Variants in AK5 observed in about 807,000 individuals in gnomAD.
AK5 encodes adenylate kinase isoenzyme 5.
Under a neutral mutation model 69.5 loss-of-function variants are expected in AK5, and 27 were observed. That is an observed-to-expected ratio of 0.39 (90% CI 0.29 to 0.54). AK5 has a LOEUF of 0.54. Ranked by LOEUF, AK5 falls within the 20% of genes least tolerant of loss-of-function variation. AK5 has a pLI of 0.71. For missense variants in AK5, 531 were observed against 700.4 expected, an observed-to-expected ratio of 0.76 and a Z score of 2.73; for synonymous variants, 260 against 244.4, an observed-to-expected ratio of 1.06 and a Z score of -0.60.
At chr1:77,366,516 C>T (rs990651843) in intron 6 of AK5, among the ~76,000 whole-genome samples, 6 of 152,114 alleles carry the variant, frequency 3.9e-5, no homozygotes, top group African/African-American at 1.4e-4. Flanking sequence ...TTTGTTTCAT[C>T]CCTGCCAAGA....
chr1:77,410,797 C>T (rs1649991989), intron 6 of AK5, among the ~76,000 whole-genome samples, 184 bp from the exon 7 acceptor site: 1 of 152,106 alleles, frequency 6.6e-6, no homozygotes, highest in South Asian at 2.1e-4. Flanking sequence ...TAATACTCTT[C>T]TCTGTTCGAT....
chr1:77,481,300 G>T (rs1655238885), intron 8 of AK5, among the ~76,000 whole-genome samples: 2 of 152,224 alleles, frequency 1.3e-5, no homozygotes, highest in Non-Finnish European at 2.9e-5. Context: ...GTGGGTGGCA[G>T]GATTGGATTA....
chr1:77,458,474 A>T (rs190422588), intron 8 of AK5, among the ~76,000 whole-genome samples: 122 of 152,328 alleles, frequency 8.0e-4, no homozygotes, highest in African/African-American at 2.8e-3. Context: ...GCTGATAAAG[A>T]CATACCTGAG....
intron 13 of AK5, among the ~76,000 whole-genome samples, chr1:77,539,698 CTG>C (rs1410875466): frequency 6.6e-6 from 1 of 152,202 alleles, no homozygotes; most frequent in African/African-American, 2.4e-5. Flanking sequence ...CTGGCCCACT[CTG>C]TTGTCTGGCC....
chr1:77,389,079 T>A (rs991603242), intron 6 of AK5, among the ~76,000 whole-genome samples: 7 of 152,190 alleles, frequency 4.6e-5, no homozygotes, highest in Admixed American at 3.9e-4. Context: ...GAATAGTAAC[T>A]GACTTCTTTG....
intron 13 of AK5, among the ~76,000 whole-genome samples, chr1:77,539,752 C>G (rs912089943): frequency 6.6e-6 from 1 of 152,162 alleles, no homozygotes; most frequent in Non-Finnish European, 1.5e-5. Context: ...CTTAATCTCC[C>G]TTGGTTCCTA....
intron 8 of AK5, among the ~76,000 whole-genome samples, chr1:77,479,029 A>G (rs1197792380): frequency 6.6e-6 from 1 of 151,848 alleles, no homozygotes; most frequent in African/African-American, 2.4e-5. Context: ...GATGAGGGAT[A>G]GAGACCAAAG....
intron 8 of AK5, among the ~76,000 whole-genome samples, chr1:77,455,036 T>G (rs1250603556): frequency 2.0e-5 from 3 of 152,316 alleles, no homozygotes; most frequent in Middle Eastern, 3.4e-3. Flanking sequence ...TTGGGTCAAG[T>G]ATTAAACTGA....
At chr1:77,313,874 T>G (rs866663487) in intron 5 of AK5, 1 of 532,404 alleles carries the variant, frequency 1.9e-6, no homozygotes. Context: ...GTATGTCCAG[T>G]CCGTCAAGAT....
Position 77,417,665 on chromosome 1 carries a change from A to T in AK5, c.1009A>T (p.Ile337Leu). Residue 337 changes from isoleucine (I) to leucine (L), a missense_variant, in exon 8 of 14, where the codon ATA becomes TTA. Ile to Leu is a conservative substitution (Grantham distance 5, BLOSUM62 2). Coordinates refer to ENST00000354567, the MANE Select transcript of AK5 (RefSeq NM_174858.3). ...TTCAAGTGACCTTGATCCTTCGATG[A>T]TATTGGACACTGGAGAGATCATTGA... ...AGSSDLDPSM[I>L]LDTGEIIDTG... 1 of 1,610,010 alleles carries T rather than the reference A, an allele frequency of 6.2e-7. No homozygotes were observed. The highest frequency in any genetic ancestry group is 8.5e-7 in the Non-Finnish European group (1 of 1,177,114).
At chr1:77,323,072 C>A (rs777755178) in intron 5 of AK5, among the ~76,000 whole-genome samples, 8 of 152,122 alleles carry the variant, frequency 5.3e-5, no homozygotes, top group Non-Finnish European at 1.2e-4. Context: ...ATTGCCACCT[C>A]CACCTCCCAG....
chr1:77,456,601 C>A (rs1339685615), intron 8 of AK5, among the ~76,000 whole-genome samples: 1 of 152,182 alleles, frequency 6.6e-6, no homozygotes, highest in African/African-American at 2.4e-5. Context: ...GAGGATGGGC[C>A]TCAGTTCCAA....
chr1:77,326,444 G>GT (rs111253684), intron 5 of AK5, among the ~76,000 whole-genome samples: 232 of 146,218 alleles, frequency 1.6e-3, no homozygotes, highest in Admixed American at 4.4e-3. Flanking sequence ...TAACACCAAA[G>GT]TTTTTTTTTT....
At chr1:77,535,078 A>C (rs1320295633) in intron 12 of AK5, among the ~76,000 whole-genome samples, 1 of 152,164 alleles carries the variant, frequency 6.6e-6, no homozygotes, top group Non-Finnish European at 1.5e-5. Context: ...GCTTCCTCTC[A>C]GCCTGGCAGT....
At chr1:77,283,738 G>C in intron 1 of AK5, 1 of 543,096 alleles carries the variant, frequency 1.8e-6, no homozygotes, top group Non-Finnish European at 2.3e-6. Context: ...GGAATCTTAA[G>C]AGTTGTTTTT....
intron 8 of AK5, among the ~76,000 whole-genome samples, chr1:77,430,614 G>A (rs1651573617): frequency 6.6e-6 from 1 of 152,164 alleles, no homozygotes; most frequent in Non-Finnish European, 1.5e-5. Flanking sequence ...ACAAAATTGA[G>A]AGAAGAGGCT....
chr1:77,318,714 G>GTT (rs1481212949), intron 5 of AK5, among the ~76,000 whole-genome samples: 1 of 151,152 alleles, frequency 6.6e-6, no homozygotes, highest in East Asian at 1.9e-4. Flanking sequence ...TCTTCAGTGG[G>GTT]TCTTTTTTTT....
chr1:77,365,248 G>A (rs552204804), intron 6 of AK5, among the ~76,000 whole-genome samples: 8 of 152,008 alleles, frequency 5.3e-5, no homozygotes, highest in Non-Finnish European at 8.8e-5. Flanking sequence ...TGAGTTCCTT[G>A]TATATTCTGG....
At chr1:77,548,898 C>CTTTTTT (rs34026852) in intron 13 of AK5, among the ~76,000 whole-genome samples, 6 of 87,888 alleles carry the variant, frequency 6.8e-5, no homozygotes, top group Non-Finnish European at 9.0e-5. Context: ...TTGCTTTTAG[C>CTTTTTT]TTTTTTTTTT....
Sources: allele counts gnomAD v4.1 joint callset (sites outside exome capture counted in the v4.1 genomes callset), GRCh38; gene constraint gnomAD v4.1.1; transcripts MANE v1.5; gene names NCBI Gene and HGNC (gene_info 2026-07-23, HGNC 2026-07-21).